The following SLC39A11 variants were observed in gnomAD, a reference collection of about 807,000 sequenced individuals.
SLC39A11 encodes the protein zinc transporter ZIP11.
In SLC39A11, 33 loss-of-function variants were observed where a neutral mutation model predicts 36.1. The observed-to-expected ratio is 0.91, with a 90% CI of 0.69 to 1.22. SLC39A11 has a LOEUF of 1.22. Among genes scored for constraint, SLC39A11 ranks in the 50% most tolerant of loss-of-function variants. The pLI, the probability that SLC39A11 is intolerant of heterozygous loss-of-function variation, is 0.00. For synonymous variants in SLC39A11, 166 were observed against 170.3 expected (o/e 0.97, Z 0.20); for missense variants, 432 against 430.3 (o/e 1.00, Z -0.03).
chr17:72,693,977 A>T (rs1465498586), intron 7 of SLC39A11, among the ~76,000 whole-genome samples: 1 of 151,954 alleles, frequency 6.6e-6, no homozygotes, highest in Non-Finnish European at 1.5e-5. Flanking sequence ...CTCTTTATAG[A>T]AAAAGCACCC....
chr17:72,886,274 A>G (rs1053819696), intron 5 of SLC39A11, among the ~76,000 whole-genome samples: 2 of 152,052 alleles, frequency 1.3e-5, no homozygotes, highest in Non-Finnish European at 2.9e-5. Context: ...TCCAACCCCA[A>G]TGTCTTCCAT....
intron 5 of SLC39A11, among the ~76,000 whole-genome samples, chr17:72,935,887 C>T (rs898394185): frequency 6.6e-6 from 1 of 151,788 alleles, no homozygotes; most frequent in Admixed American, 6.6e-5. Flanking sequence ...CTGGCTATCA[C>T]CTCAGCAATT....
At chr17:72,818,366 GTATC>G (rs1568140601) in intron 6 of SLC39A11, among the ~76,000 whole-genome samples, 1 of 152,158 alleles carries the variant, frequency 6.6e-6, no homozygotes, top group Non-Finnish European at 1.5e-5. Context: ...ACCTGGAGAG[GTATC>G]TGGAGGGTGC....
intron 7 of SLC39A11, among the ~76,000 whole-genome samples, chr17:72,664,918 G>C (rs994781869): frequency 6.6e-6 from 1 of 152,144 alleles, no homozygotes; most frequent in Non-Finnish European, 1.5e-5. Context: ...TCTCCTTGCT[G>C]TTCCTCCAGA....
intron 5 of SLC39A11, among the ~76,000 whole-genome samples, chr17:72,940,508 T>G (rs1162513718): frequency 1.3e-5 from 2 of 152,246 alleles, no homozygotes; most frequent in Non-Finnish European, 2.9e-5. Flanking sequence ...ACTCCTGACC[T>G]TAGGTGGTCC....
chr17:72,833,706 A>T (rs2078384901), intron 6 of SLC39A11, among the ~76,000 whole-genome samples: 1 of 152,206 alleles, frequency 6.6e-6, no homozygotes, highest in African/African-American at 2.4e-5. Context: ...CTACTGGCAG[A>T]TAACACATAA....
intron 3 of SLC39A11, among the ~76,000 whole-genome samples, chr17:73,061,258 A>C (rs1271712926): frequency 1.3e-5 from 2 of 151,952 alleles, no homozygotes; most frequent in Non-Finnish European, 2.9e-5. Flanking sequence ...TACTCAGGAG[A>C]CTGAGGCCAG....
intron 4 of SLC39A11, among the ~76,000 whole-genome samples, chr17:73,024,102 A>T (rs2058450445): frequency 6.6e-6 from 1 of 152,222 alleles, no homozygotes; most frequent in South Asian, 2.1e-4. Context: ...GTAGACAGTG[A>T]AGTAAAAGGT....
intron 5 of SLC39A11, among the ~76,000 whole-genome samples, chr17:72,878,996 T>TGGGTTTAATAAA (rs1235900904): frequency 1.3e-5 from 2 of 152,220 alleles, no homozygotes; most frequent in Admixed American, 1.3e-4. Context: ...AGGAAACACT[T>TGGGTTTAATAAA]CACTTATGTT....
intron 5 of SLC39A11, among the ~76,000 whole-genome samples, chr17:72,870,168 A>ACGC (rs2146358211): frequency 6.6e-6 from 1 of 152,240 alleles, no homozygotes; most frequent in African/African-American, 2.4e-5. Context: ...CTAATGTGCG[A>ACGC]GGTCAGCAGA....
At chr17:72,706,226 T>C (rs1397978474) in intron 7 of SLC39A11, among the ~76,000 whole-genome samples, 7 of 152,236 alleles carry the variant, frequency 4.6e-5, no homozygotes, top group Non-Finnish European at 1.0e-4. Context: ...CTCTTCTAGA[T>C]GCATTTAGAA....
chr17:73,083,553 A>C (rs181527642), intron 3 of SLC39A11, among the ~76,000 whole-genome samples: 9 of 152,332 alleles, frequency 5.9e-5, no homozygotes, highest in South Asian at 2.1e-4. Flanking sequence ...TGACATCTTC[A>C]TGCCTGAAAA....
intron 4 of SLC39A11, among the ~76,000 whole-genome samples, chr17:72,975,948 A>G (rs1321164189): frequency 6.6e-6 from 1 of 152,018 alleles, no homozygotes; most frequent in Non-Finnish European, 1.5e-5. Context: ...AGGCGGGTGG[A>G]TCACGAGGTC....
At chr17:72,834,864 G>A (rs1436336697) in intron 6 of SLC39A11, among the ~76,000 whole-genome samples, 1 of 152,182 alleles carries the variant, frequency 6.6e-6, no homozygotes, top group African/African-American at 2.4e-5. Context: ...CCCAATCCTA[G>A]CGCAGCATTA....
chr17:73,060,465 G>C (rs2059808712), intron 3 of SLC39A11, among the ~76,000 whole-genome samples: 2 of 151,944 alleles, frequency 1.3e-5, no homozygotes, highest in African/African-American at 4.8e-5. Context: ...TATCACTCTG[G>C]TTAAATTAAT....
chr17:73,033,177 G>A (rs1392649886), intron 3 of SLC39A11, among the ~76,000 whole-genome samples: 6 of 152,190 alleles, frequency 3.9e-5, no homozygotes, highest in Admixed American at 1.3e-4. Context: ...GACAGGAGGC[G>A]GAGCTCCCGC....
intron 5 of SLC39A11, among the ~76,000 whole-genome samples, chr17:72,908,045 G>A (rs2082755295): frequency 6.6e-6 from 1 of 152,220 alleles, no homozygotes; most frequent in Non-Finnish European, 1.5e-5. Flanking sequence ...CTTCTATGAT[G>A]TAGGCCTTAG....
At chr17:72,969,492 G>C (rs570300688) in intron 4 of SLC39A11, among the ~76,000 whole-genome samples, 1 of 152,192 alleles carries the variant, frequency 6.6e-6, no homozygotes. Flanking sequence ...CATGCCTTAT[G>C]GACACCAACC....
chr17:72,782,301 T>A (rs2076344590), intron 6 of SLC39A11, among the ~76,000 whole-genome samples: 1 of 151,716 alleles, frequency 6.6e-6, no homozygotes, highest in Admixed American at 6.6e-5. Context: ...CCACTGAGAG[T>A]CTCCAGAAGG....
Sources: gnomAD v4.1 joint callset for allele counts (sites outside exome capture counted in the v4.1 genomes callset) on GRCh38, gnomAD v4.1.1 for gene constraint, MANE v1.5 for transcripts, NCBI Gene and HGNC (gene_info 2026-07-23, HGNC 2026-07-21) for gene names.